Variants in HDAC4 observed in about 807,000 individuals in gnomAD.
HDAC4 encodes the protein histone deacetylase 4.
In HDAC4, 16 loss-of-function variants were observed where a neutral mutation model predicts 135.1. That is an observed-to-expected ratio of 0.12 (90% confidence interval 0.08 to 0.18). The LOEUF (loss-of-function observed/expected upper bound fraction) is 0.18. Among genes scored for constraint, HDAC4 ranks in the 10% least tolerant of loss-of-function variants. The pLI is 1.00. For synonymous variants in HDAC4, 685 were observed against 653.4 expected (o/e 1.05, Z -0.74); for missense variants, 1,143 against 1,511.8 (o/e 0.76, Z 4.05).
chr2:239,194,881 C>T (rs558476572), intron 3 of HDAC4, among the ~76,000 whole-genome samples: 5 of 152,320 alleles, frequency 3.3e-5, no homozygotes, highest in East Asian at 3.9e-4. Flanking sequence ...AAGGTGCTGG[C>T]GCTGATCCGC....
intron 20 of HDAC4, among the ~76,000 whole-genome samples, 189 bp from the exon 21 acceptor site, chr2:239,082,410 C>T (rs1257645403): frequency 6.6e-6 from 1 of 152,328 alleles, no homozygotes; most frequent in South Asian, 2.1e-4. Flanking sequence ...CTACGTGGTG[C>T]AGGGTCGCAG....
chr2:239,296,582 C>T (rs1052510457), intron 2 of HDAC4, among the ~76,000 whole-genome samples: 1 of 152,216 alleles, frequency 6.6e-6, no homozygotes, highest in South Asian at 2.1e-4. Flanking sequence ...AGAGAAACTG[C>T]GCTGTTTTCT....
chr2:239,371,773 T>C (rs770748984), intron 1 of HDAC4, among the ~76,000 whole-genome samples: 48 of 152,166 alleles, frequency 3.2e-4, no homozygotes, highest in Non-Finnish European at 5.3e-4. Flanking sequence ...GGCCTTTACC[T>C]GTGGTCCCTC....
At chr2:239,373,918 G>A (rs2176046) in intron 1 of HDAC4, among the ~76,000 whole-genome samples, 17,769 of 152,210 alleles carry the variant, frequency 0.12, 2,758 homozygotes, top group East Asian at 0.64. Flanking sequence ...ACTTTTTACA[G>A]TTAAGCCTTG....
chr2:239,203,237 G>A (rs1431518893), intron 3 of HDAC4, among the ~76,000 whole-genome samples: 2 of 152,176 alleles, frequency 1.3e-5, no homozygotes, highest in Non-Finnish European at 1.5e-5. Context: ...CCCAGCAAGT[G>A]GGTGCCCACC....
intron 2 of HDAC4, among the ~76,000 whole-genome samples, chr2:239,259,325 G>A (rs2049218349): frequency 3.3e-5 from 5 of 152,112 alleles, no homozygotes; most frequent in Admixed American, 3.3e-4. Context: ...TAGAACTGTG[G>A]TCACAGCTAC....
intron 13 of HDAC4, among the ~76,000 whole-genome samples, chr2:239,112,559 G>T (rs539719643): frequency 6.6e-6 from 1 of 152,186 alleles, no homozygotes; most frequent in Non-Finnish European, 1.5e-5. Flanking sequence ...TGTGTGTGGG[G>T]GGGGCACTCA....
chr2:239,238,790 T>C (rs144214534), intron 2 of HDAC4, among the ~76,000 whole-genome samples: 1 of 152,210 alleles, frequency 6.6e-6, no homozygotes, highest in Non-Finnish European at 1.5e-5. Flanking sequence ...CCGATTTGAC[T>C]TGTAAGTCAC....
intron 3 of HDAC4, among the ~76,000 whole-genome samples, chr2:239,208,326 C>CAAAAAAAAAAA (rs759398313): frequency 1.2e-4 from 8 of 68,198 alleles, no homozygotes; most frequent in African/African-American, 4.1e-4. Context: ...GACTCCGTCC[C>CAAAAAAAAAAA]AAAAAAAAAA....
At chr2:239,237,030 CAGAT>C (rs1282341479) in intron 2 of HDAC4, among the ~76,000 whole-genome samples, 1 of 152,112 alleles carries the variant, frequency 6.6e-6, no homozygotes, top group East Asian at 1.9e-4. Context: ...TTCCTCTTCT[CAGAT>C]AGTGACAAAC....
chr2:239,128,273 G>A (rs564362832), intron 11 of HDAC4, among the ~76,000 whole-genome samples: 80 of 151,524 alleles, frequency 5.3e-4, no homozygotes, highest in African/African-American at 1.9e-3. Flanking sequence ...CAGGCTGGGC[G>A]CGGTGGTGGC....
intron 4 of HDAC4, 112 bp from the exon 5 acceptor site, chr2:239,176,675 G>T: frequency 1.0e-6 from 1 of 964,560 alleles, no homozygotes; most frequent in Non-Finnish European, 1.6e-6. Flanking sequence ...CCCTGGTGTG[G>T]CCCTGGGCAC....
chr2:239,213,725 C>A (rs927323192), intron 3 of HDAC4, among the ~76,000 whole-genome samples: 7 of 152,246 alleles, frequency 4.6e-5, no homozygotes, highest in African/African-American at 1.7e-4. Flanking sequence ...ACATTCAGCA[C>A]ACACTGAAAT....
In HDAC4 at chr2:239,285,325, G is replaced by C. The variant is rs1046320864; in HGVS notation, c.23-48661C>G. On this transcript the variant is annotated intron_variant, in intron 2 of 26. Transcript: ENST00000543185. This position sits in a 1 kb window ranked among gnomAD's most constrained non-coding sequence, Gnocchi z 4.5. ...GAACGCGCCGCGGCTGGGCCCCCAA[G>C]TTCGCGGCTGTGCAGCGTGGCCAGA... Among the ~76,000 whole-genome samples the C allele has an allele frequency of 6.6e-6, 1 of 152,226 alleles. No individual in the cohort carries two copies. The highest frequency in any genetic ancestry group is 1.5e-5 in the Non-Finnish European group (1 of 68,038).
Position 239,289,242 on chromosome 2 carries a change from C to T in HDAC4, c.23-52578G>A, listed in dbSNP as rs74000591. ...AAAGGCTTAAGTATGAAAGACAAAA[C>T]GTCAAAGGCCTTAAGAGAAAATATA... On this transcript the variant is annotated intron_variant, in intron 2 of 26. Transcript: ENST00000543185. Among the ~76,000 whole-genome samples the T allele has an allele frequency of 8.5e-3, 1,288 of 152,288 alleles. 21 individuals carry two copies. Among genetic ancestry groups the T allele is most frequent in the African/African-American group, 0.03 (1,226 of 41,558 alleles).
chr2:239,164,939 T>C (rs1383489202), intron 5 of HDAC4, among the ~76,000 whole-genome samples: 3 of 152,156 alleles, frequency 2.0e-5, no homozygotes, highest in Admixed American at 6.5e-5. Context: ...TCCCTACACA[T>C]AGGCCAGGCC....
At chr2:239,159,196 A>C (rs1002543189) in intron 6 of HDAC4, among the ~76,000 whole-genome samples, 6 of 148,750 alleles carry the variant, frequency 4.0e-5, no homozygotes, top group African/African-American at 1.5e-4. Context: ...CACTACTCCC[A>C]CCCACACCTC....
At chr2:239,199,613 G>A (rs1437509808) in intron 3 of HDAC4, among the ~76,000 whole-genome samples, 2 of 152,196 alleles carry the variant, frequency 1.3e-5, no homozygotes, top group Admixed American at 6.5e-5. Context: ...AATGCTCACA[G>A]TCCTGTCCTT....
intron 3 of HDAC4, among the ~76,000 whole-genome samples, chr2:239,207,922 G>C (rs6713685): frequency 0.14 from 21,139 of 152,026 alleles, 1,566 homozygotes; most frequent in East Asian, 0.23. Context: ...TTACAGTCTT[G>C]GTCATAAATA....
Sources: gnomAD v4.1 joint callset for allele counts (sites outside exome capture counted in the v4.1 genomes callset) on GRCh38, gnomAD v4.1.1 for gene constraint, Gnocchi (gnomAD v3.1) non-coding constraint, MANE v1.5 for transcripts, NCBI Gene and HGNC (gene_info 2026-07-23, HGNC 2026-07-21) for gene names.